The following SLC52A2 variants were observed in gnomAD, a reference collection of about 807,000 sequenced individuals.
SLC52A2 encodes the protein solute carrier family 52 member 2.
Under a neutral mutation model 24.8 loss-of-function variants are expected in SLC52A2, and 16 were observed. The ratio of observed to expected loss-of-function variants is 0.64; its 90% confidence interval spans 0.44 to 0.98. The LOEUF is 0.98. Among genes scored for constraint, SLC52A2 ranks in the 50% least tolerant of loss-of-function variants. The pLI, the probability that SLC52A2 is intolerant of heterozygous loss-of-function variation, is 0.00. For missense variants in SLC52A2, 612 were observed against 575.9 expected, an observed-to-expected ratio of 1.06 and a Z score of -0.64; for synonymous variants, 335 against 276.3, an observed-to-expected ratio of 1.21 and a Z score of -2.11.
rs1554853641 is a variant in SLC52A2 at position 144,358,888 on chromosome 8, G to T, written c.-288G>T. The T allele has an allele frequency of 1.3e-5, 3 of 239,042 alleles. No individual in the cohort carries two copies. Among genetic ancestry groups the T allele is most frequent in the East Asian group, 1.9e-4 (2 of 10,360 alleles). The allele number at this position is 239,042 out of a possible 1,614,324, so 14.8% of individuals were successfully genotyped here. A position where few individuals can be genotyped will look rare whatever the true frequency, so the allele number is the denominator to read the frequency against. Reference sequence around the variant, plus strand: ...GGCACCGTGAAGCCCTGGGGTGTGCGTGGCTCCTCCTGGTAGGCGCCCTTT... The same window carrying T: ...GGCACCGTGAAGCCCTGGGGTGTGCTTGGCTCCTCCTGGTAGGCGCCCTTT... On this transcript the variant is annotated 5_prime_UTR_variant, in exon 1 of 5. Coordinates refer to ENST00000643944, the MANE Select transcript of SLC52A2 (RefSeq NM_001363118.2).
Position 144,360,570 on chromosome 8 carries a change from A to C in SLC52A2, c.1002-20A>C. 6.3e-7 allele frequency: 1 copy of C among 1,590,186 alleles called. No individual in the cohort carries two copies. The highest frequency in any genetic ancestry group is 8.5e-7 in the Non-Finnish European group (1 of 1,172,198). On this transcript the variant is annotated intron_variant, in intron 3 of 4. Transcript: ENST00000643944. Reference sequence around the variant, plus strand: ...AGGTCCTGGCGCAGTCAGCCCTGACATTCTGCTCGCTCACTGCAGGTCCTT... The same window carrying C: ...AGGTCCTGGCGCAGTCAGCCCTGACCTTCTGCTCGCTCACTGCAGGTCCTT...
Position 144,360,356 on chromosome 8 carries a change from G to T in SLC52A2, c.864G>T (p.Ala288=), listed in dbSNP as rs782702240. 1.2e-6 allele frequency: 2 copies of T among 1,608,382 alleles called. No individual in the cohort carries two copies. Among genetic ancestry groups the T allele is most frequent in the East Asian group, 2.2e-5 (1 of 44,882 alleles). The change falls in exon 3 of 5, where the codon GCG becomes GCT. Residue 288 remains alanine, a synonymous_variant. Transcript: ENST00000643944. ...CLLGLLAATN[A]LTNGVLPAVQ... is the part of the protein sequence containing the mutation. ...TGGGCCTGTTGGCCGCCACCAACGCGCTGACCAATGGCGTGCTGCCTGCCG... is the reference window on the plus strand; with the variant it reads ...TGGGCCTGTTGGCCGCCACCAACGCTCTGACCAATGGCGTGCTGCCTGCCG...
chr8:144,359,585 C>T, intron 2 of SLC52A2, 38 bp from the exon 3 acceptor site: 1 of 1,603,906 alleles, frequency 6.2e-7, no homozygotes, highest in Non-Finnish European at 8.5e-7. Context: ...CTCCCTTGGG[C>T]ATCATGACCC....
Position 144,360,637 on chromosome 8 carries a change from G to A in SLC52A2, c.1049G>A (p.Gly350Glu). The A allele has an allele frequency of 6.2e-7, 1 of 1,604,424 alleles. No homozygotes were observed. The highest frequency in any genetic ancestry group is 1.1e-5 in the South Asian group (1 of 91,030). Reference sequence around the variant, plus strand: ...CTCTCTCTGCTGGGCGTGTTCTGTGGGGGCTACCTGATGGCGCTGGCAGTC... The same window carrying A: ...CTCTCTCTGCTGGGCGTGTTCTGTGAGGGCTACCTGATGGCGCTGGCAGTC... ...GGLSLLGVFC[G>E]GYLMALAVLS... Residue 350 changes from glycine to glutamate, a missense_variant, in exon 4 of 5, where the codon GGG (glycine) becomes GAG (glutamate). Coordinates refer to ENST00000643944, the MANE Select transcript of SLC52A2 (RefSeq NM_001363118.2).
chr8:144,360,779 C>T lies in SLC52A2; in HGVS notation c.1126-24C>T, dbSNP rs72695500. ...CCCTGGAGCAGGCACATCTCACGCT[C>T]AGCTGGTGCTGTGTCCCCCTCAGGT... On this transcript the variant is annotated intron_variant, in intron 4 of 4. Coordinates refer to ENST00000643944, the MANE Select transcript of SLC52A2 (RefSeq NM_001363118.2). 0.021 allele frequency: 33,877 copies of T among 1,609,320 alleles called. 438 individuals are homozygous for T. Among genetic ancestry groups the T allele is most frequent in the Non-Finnish European group, 0.024 (27,911 of 1,176,864 alleles).
In SLC52A2 at chr8:144,358,958, G is replaced by C; in HGVS notation, c.-218G>C. On this transcript the variant is annotated 5_prime_UTR_variant, in exon 1 of 5. Coordinates refer to ENST00000643944, the MANE Select transcript of SLC52A2 (RefSeq NM_001363118.2). ...TGGTGGTGGCGTTGACTCCAGCCCC[G>C]CCTCTCCCTGGAGAGGAGGGCTCCA... The C allele has an allele frequency of 3.5e-6, 1 of 282,362 alleles. No individual in the cohort carries two copies. Among genetic ancestry groups the C allele is most frequent in the Admixed American group, 4.9e-5 (1 of 20,582 alleles). 17.5% of individuals were successfully genotyped at this position (282,362 alleles called of 1,614,324 possible).
chr8:144,359,844 G>A lies in SLC52A2; in HGVS notation c.352G>A (p.Ala118Thr), dbSNP rs370812676. 1.2e-6 allele frequency: 2 copies of A among 1,613,716 alleles called. No homozygotes were observed. The highest frequency in any genetic ancestry group is 1.7e-6 in the Non-Finnish European group (2 of 1,180,018). The change falls in exon 3 of 5, where the codon GCC becomes ACC. Residue 118 changes from alanine (A) to threonine (T), a missense_variant. Physicochemically the swap from Ala to Thr is moderately conservative, Grantham distance 58. Coordinates refer to ENST00000643944, the MANE Select transcript of SLC52A2 (RefSeq NM_001363118.2). Reference sequence around the variant, plus strand: ...GCATTCTGTGGCCTTCTTAGCACTGGCCTTTGTGCTGGCACTGGCATGCTG... The same window carrying A: ...GCATTCTGTGGCCTTCTTAGCACTGACCTTTGTGCTGGCACTGGCATGCTG... ...QLHSVAFLALAFVLALACCAS... is the reference protein window; with the variant it reads ...QLHSVAFLALTFVLALACCAS...
Position 144,360,765 on chromosome 8 carries a change from G to A in SLC52A2, c.1126-38G>A. Reference sequence around the variant, plus strand: ...GTGGGGGGGCGTTGCCCTGGAGCAGGCACATCTCACGCTCAGCTGGTGCTG... The same window carrying A: ...GTGGGGGGGCGTTGCCCTGGAGCAGACACATCTCACGCTCAGCTGGTGCTG... On this transcript the variant is annotated intron_variant, in intron 4 of 4. Transcript: ENST00000643944. 3 of 1,607,596 alleles carry A rather than the reference G, an allele frequency of 1.9e-6. No homozygotes were observed. In the African/African-American group the frequency reaches 4.0e-5, roughly 21 times the overall value.
chr8:144,360,668 C>T lies in SLC52A2; in HGVS notation c.1080C>T (p.Ser360=). 2 of 1,604,540 alleles carry T rather than the reference C, an allele frequency of 1.2e-6. No homozygotes were observed. The highest frequency in any genetic ancestry group is 1.7e-6 in the Non-Finnish European group (2 of 1,179,272). ...GGYLMALAVL[S]PCPPLVGTSA... ...ACCTGATGGCGCTGGCAGTCCTGAG[C>T]CCCTGCCCGCCCCTGGTGGGCACCT... is the stretch of plus-strand genomic sequence containing the variant. The change falls in exon 4 of 5, where the codon AGC becomes AGT. Residue 360 remains serine, a synonymous_variant. Coordinates refer to ENST00000643944, the MANE Select transcript of SLC52A2 (RefSeq NM_001363118.2).
rs558267460 is a variant in SLC52A2 at position 144,361,173 on chromosome 8, C to T, written c.*158C>T. 14 of 750,934 alleles carry T rather than the reference C, an allele frequency of 1.9e-5. No individual in the cohort carries two copies. The African/African-American group carries it at 2.3e-4, about 12-fold the overall frequency. The allele number at this position is 750,934 out of a possible 1,614,324, so 46.5% of individuals were successfully genotyped here. On this transcript the variant is annotated 3_prime_UTR_variant, in exon 5 of 5. Transcript: ENST00000643944. ...CCTGGCTTTCCAGGGTGGGCAAGGGCAAGGAGCAGGCTTGGAGCCAGGGAC... is the reference window on the plus strand; with the variant it reads ...CCTGGCTTTCCAGGGTGGGCAAGGGTAAGGAGCAGGCTTGGAGCCAGGGAC...
In SLC52A2 at chr8:144,359,897, C is replaced by T; in HGVS notation, c.405C>T (p.Phe135=). Reference sequence around the variant, plus strand: ...CCTCGAATGTCACTTTCCTGCCCTTCTTGAGCCACCTGCCACCTCGCTTCT... The same window carrying T: ...CCTCGAATGTCACTTTCCTGCCCTTTTTGAGCCACCTGCCACCTCGCTTCT... ...CCASNVTFLP[F]LSHLPPRFLR... Residue 135 remains phenylalanine (F), a synonymous_variant, in exon 3 of 5, where the codon TTC becomes TTT. Coordinates refer to ENST00000643944, the MANE Select transcript of SLC52A2 (RefSeq NM_001363118.2). 6.2e-7 allele frequency: 1 copy of T among 1,613,778 alleles called. No homozygotes were observed. The highest frequency in any genetic ancestry group is 8.5e-7 in the Non-Finnish European group (1 of 1,180,034).
rs1554853912 is a variant in SLC52A2, at chr8:144,359,809, C to T, written c.317C>T (p.Ala106Val). The T allele has an allele frequency of 6.2e-7, 1 of 1,613,652 alleles. No homozygotes were observed. The highest frequency in any genetic ancestry group is 1.7e-5 in the Admixed American group (1 of 60,032). ...ASLWHHVAPV[A>V]GQLHSVAFLA... Reference sequence around the variant, plus strand: ...CTGTGGCACCATGTGGCCCCAGTGGCAGGACAGTTGCATTCTGTGGCCTTC... The same window carrying T: ...CTGTGGCACCATGTGGCCCCAGTGGTAGGACAGTTGCATTCTGTGGCCTTC... The change falls in exon 3 of 5, where the codon GCA (alanine) becomes GTA (valine). Residue 106 changes from alanine to valine, a missense_variant. Physicochemically the swap from Ala to Val is moderately conservative, Grantham distance 64 (BLOSUM62 0). Transcript: ENST00000643944.
At position 144,360,999 on chromosome 8, in the gene SLC52A2, A is replaced by G; in HGVS notation, c.1322A>G (p.Asp441Gly). The change falls in exon 5 of 5, where the codon GAC becomes GGC. Residue 441 changes from aspartate to glycine, a missense_variant. Transcript: ENST00000643944. ...TTCCACAGCAGAAAGGACTGTGCAGACCCCTGTGACTCCTGAGCCTGGGCA... is the reference window on the plus strand; with the variant it reads ...TTCCACAGCAGAAAGGACTGTGCAGGCCCCTGTGACTCCTGAGCCTGGGCA... ...HVFHSRKDCA[D>G]PCDS 3 of 1,612,780 alleles carry G rather than the reference A, an allele frequency of 1.9e-6. No homozygotes were observed. The highest frequency in any genetic ancestry group is 2.2e-5 in the South Asian group (2 of 91,046).
rs782100402 is a variant in SLC52A2 at position 144,360,639 on chromosome 8, G to A, written c.1051G>A (p.Gly351Ser). The change falls in exon 4 of 5, where the codon GGC becomes AGC. Residue 351 changes from glycine to serine, a missense_variant. Coordinates refer to ENST00000643944, the MANE Select transcript of SLC52A2 (RefSeq NM_001363118.2). ...GLSLLGVFCGGYLMALAVLSP... is the reference protein window; with the variant it reads ...GLSLLGVFCGSYLMALAVLSP... ...CTCTCTGCTGGGCGTGTTCTGTGGGGGCTACCTGATGGCGCTGGCAGTCCT... is the reference window on the plus strand; with the variant it reads ...CTCTCTGCTGGGCGTGTTCTGTGGGAGCTACCTGATGGCGCTGGCAGTCCT... The A allele has an allele frequency of 2.5e-6, 4 of 1,604,482 alleles. No homozygotes were observed. Among genetic ancestry groups the A allele is most frequent in the Middle Eastern group, 1.7e-4 (1 of 6,058 alleles).
At position 144,359,195 on chromosome 8, in the gene SLC52A2, C is replaced by T. The variant is rs1818649130; in HGVS notation, c.-99C>T. On this transcript the variant is annotated 5_prime_UTR_variant, in exon 2 of 5. Coordinates refer to ENST00000643944, the MANE Select transcript of SLC52A2 (RefSeq NM_001363118.2). ...CTGTTTCTTTCAAGCTAGAAGAAGTCTTCACTTCCCAGGAGAGCCAAAGCG... is the reference window on the plus strand; with the variant it reads ...CTGTTTCTTTCAAGCTAGAAGAAGTTTTCACTTCCCAGGAGAGCCAAAGCG... 3 of 1,503,136 alleles carry T rather than the reference C, an allele frequency of 2.0e-6. No individual in the cohort carries two copies. The highest frequency in any genetic ancestry group is 1.3e-5 in the South Asian group (1 of 75,652). The allele number at this position is 1,503,136 out of a possible 1,614,324, so 93.1% of individuals were successfully genotyped here.
Position 144,360,931 on chromosome 8 carries a change from C to G in SLC52A2, c.1254C>G (p.Leu418=), listed in dbSNP as rs782310901. Residue 418 remains leucine (L), a synonymous_variant, in exon 5 of 5, where the codon CTC becomes CTG. Transcript: ENST00000643944. ...AGVAIQVGSL[L]GAVAMFPPTS... Reference sequence around the variant, plus strand: ...TGGCCATCCAGGTGGGCTCTCTGCTCGGCGCTGTTGCTATGTTCCCCCCGA... The same window carrying G: ...TGGCCATCCAGGTGGGCTCTCTGCTGGGCGCTGTTGCTATGTTCCCCCCGA... The G allele has an allele frequency of 1.2e-6, 2 of 1,613,400 alleles. No homozygotes were observed. Among genetic ancestry groups the G allele is most frequent in the East Asian group, 4.5e-5 (2 of 44,888 alleles).
rs1258916175 is a variant in SLC52A2 at position 144,359,326 on chromosome 8, G to C, written c.33G>C (p.Leu11=). 3 of 1,613,762 alleles carry C rather than the reference G, an allele frequency of 1.9e-6. No homozygotes were observed. The highest frequency in any genetic ancestry group is 3.3e-5 in the Admixed American group (2 of 60,002). The part of the protein sequence containing the change: MAAPTPARPV[L]THLLVALFGM... Reference sequence around the variant, plus strand: ...CACCCACGCCCGCCCGTCCGGTGCTGACCCACCTGCTGGTGGCTCTCTTCG... The same window carrying C: ...CACCCACGCCCGCCCGTCCGGTGCTCACCCACCTGCTGGTGGCTCTCTTCG... Residue 11 remains leucine, a synonymous_variant, in exon 2 of 5, where the codon CTG becomes CTC. Transcript: ENST00000643944.
At position 144,359,179 on chromosome 8, in the gene SLC52A2, T is replaced by TTCTTC; in HGVS notation, c.-110-5_-110-4insTCTTC. On this transcript the variant is annotated splice_region_variant and splice_polypyrimidine_tract_variant and intron_variant, in intron 1 of 4. Coordinates refer to ENST00000643944, the MANE Select transcript of SLC52A2 (RefSeq NM_001363118.2). The stretch of plus-strand genomic sequence containing the variant: ...CATCCTATCTGTTTCTCTGTTTCTT[T>TTCTTC]CAAGCTAGAAGAAGTCTTCACTTCC... 1 of 1,460,552 alleles carries TTCTTC rather than the reference T, an allele frequency of 6.8e-7. No individual in the cohort carries two copies. 90.5% of individuals were successfully genotyped at this position (1,460,552 alleles called of 1,614,324 possible).
Position 144,360,142 on chromosome 8 carries a change from T to A in SLC52A2, c.650T>A (p.Leu217Gln), listed in dbSNP as rs370367859. The A allele has an allele frequency of 8.7e-6, 14 of 1,612,824 alleles. No homozygotes were observed. Among genetic ancestry groups the A allele is most frequent in the Admixed American group, 1.7e-5 (1 of 60,008 alleles). Reference protein sequence around the residue: ...SAAAFQGLLLLLPPPPSVPTG... With the variant: ...SAAAFQGLLLQLPPPPSVPTG... The stretch of plus-strand genomic sequence containing the variant: ...GCTGCCTTCCAGGGTCTTCTGCTGC[T>A]GTTGCCGCCACCACCATCTGTACCC... The change falls in exon 3 of 5, where the codon CTG becomes CAG. Residue 217 changes from leucine to glutamine, a missense_variant. By Grantham distance (113) the Leu-to-Gln change is moderately radical. Coordinates refer to ENST00000643944, the MANE Select transcript of SLC52A2 (RefSeq NM_001363118.2).
Sources: gnomAD v4.1 joint callset for allele counts on GRCh38, gnomAD v4.1.1 for gene constraint, MANE v1.5 for transcripts, NCBI Gene and HGNC (gene_info 2026-07-23, HGNC 2026-07-21) for gene names.